The following ABLIM1 variants were observed in gnomAD, a reference collection of about 807,000 sequenced individuals.
ABLIM1 encodes actin-binding LIM protein 1.
In ABLIM1, 40 loss-of-function variants were observed where a neutral mutation model predicts 107.0. The ratio of observed to expected loss-of-function variants is 0.37; its 90% CI spans 0.29 to 0.49. The LOEUF (loss-of-function observed/expected upper bound fraction) is 0.49. ABLIM1 is among the 20% of genes least tolerant of loss of function. The pLI is 0.97. For missense variants in ABLIM1, 857 were observed against 1,008.5 expected, an observed-to-expected ratio of 0.85 and a Z score of 2.04; for synonymous variants, 357 against 357.3, an observed-to-expected ratio of 1.00 and a Z score of 0.01.
chr10:114,632,338 T>C, intron 1 of ABLIM1: 1 of 985,366 alleles, frequency 1.0e-6, no homozygotes, highest in South Asian at 4.7e-5. Flanking sequence ...TGATAAATGA[T>C]TGCCAGGAAG....
intron 2 of ABLIM1, among the ~76,000 whole-genome samples, chr10:114,578,406 G>GT (rs1364900891): frequency 7.4e-6 from 1 of 135,870 alleles, no homozygotes; most frequent in Non-Finnish European, 1.5e-5. Flanking sequence ...AACATTTTCT[G>GT]TTGTTTTTTT....
chr10:114,506,690 G>T (rs1297258918), intron 6 of ABLIM1, among the ~76,000 whole-genome samples: 4 of 152,074 alleles, frequency 2.6e-5, no homozygotes, highest in Non-Finnish European at 4.4e-5. Flanking sequence ...TTTAAATAGG[G>T]TTATTTATTT....
chr10:114,773,221 T>C, the ABLIM1 span, among the ~76,000 whole-genome samples: 1 of 152,088 alleles, frequency 6.6e-6, no homozygotes, highest in Non-Finnish European at 1.5e-5. Flanking sequence ...ATACAATATA[T>C]ACCAGGTTGG....
chr10:114,526,938 T>C (rs2064871579), intron 6 of ABLIM1: 2 of 985,372 alleles, frequency 2.0e-6, no homozygotes, highest in African/African-American at 3.5e-5. Context: ...CTTTACTTAC[T>C]AGTTCAACAC....
chr10:114,551,751 GCTT>G (rs2068086614), intron 4 of ABLIM1, among the ~76,000 whole-genome samples: 1 of 152,194 alleles, frequency 6.6e-6, no homozygotes, highest in African/African-American at 2.4e-5. Context: ...TGCACTGAGG[GCTT>G]TCTAGAATCA....
At chr10:114,694,138 T>C (rs2081147085) in intron 1 of ABLIM1, among the ~76,000 whole-genome samples, 1 of 152,224 alleles carries the variant, frequency 6.6e-6, no homozygotes, top group African/African-American at 2.4e-5. Flanking sequence ...TATACTCAAA[T>C]TGTGAAAGAA....
intron 1 of ABLIM1, among the ~76,000 whole-genome samples, chr10:114,608,209 C>T (rs1008189835): frequency 3.9e-5 from 6 of 152,172 alleles, no homozygotes; most frequent in Admixed American, 1.3e-4. Context: ...ACTAAAAATA[C>T]AAAAATTAGC....
chr10:114,571,516 C>G (rs754978817), intron 3 of ABLIM1, 110 bp from the exon 4 acceptor site: 31 of 1,042,690 alleles, frequency 3.0e-5, no homozygotes, highest in Non-Finnish European at 4.0e-5. Flanking sequence ...GGAGAAGCAG[C>G]AGCCAACATG....
chr10:114,570,347 T>A (rs907601279), intron 4 of ABLIM1, among the ~76,000 whole-genome samples: 5 of 152,198 alleles, frequency 3.3e-5, no homozygotes, highest in African/African-American at 1.2e-4. Flanking sequence ...AGGTTCTCTA[T>A]GGATTCTGAC....
At chr10:114,617,242 C>T in intron 1 of ABLIM1, among the ~76,000 whole-genome samples, 1 of 147,674 alleles carries the variant, frequency 6.8e-6, no homozygotes, top group African/African-American at 2.5e-5. Flanking sequence ...AAATTTAATT[C>T]TTCTCACTAC....
intron 1 of ABLIM1, among the ~76,000 whole-genome samples, chr10:114,603,830 G>T (rs2076216074): frequency 6.6e-6 from 1 of 151,696 alleles, no homozygotes; most frequent in South Asian, 2.1e-4. Context: ...GCACGTGCCT[G>T]TAATCCCAGC....
At chr10:114,442,676 C>T (rs889382071) in intron 17 of ABLIM1, among the ~76,000 whole-genome samples, 5 of 151,978 alleles carry the variant, frequency 3.3e-5, no homozygotes, top group African/African-American at 7.3e-5. Flanking sequence ...TAGTTATTGG[C>T]GTATCACGCT....
intron 1 of ABLIM1, among the ~76,000 whole-genome samples, chr10:114,761,497 G>A (rs751042733): frequency 5.9e-5 from 9 of 152,030 alleles, no homozygotes; most frequent in East Asian, 1.9e-4. Context: ...CTTGTCATGC[G>A]CAACCATCTC....
At chr10:114,765,370 AAAT>A (rs1369617393) in intron 1 of ABLIM1, among the ~76,000 whole-genome samples, 2 of 129,500 alleles carry the variant, frequency 1.5e-5, no homozygotes, top group Non-Finnish European at 3.7e-5. Flanking sequence ...TAAAAAAAAA[AAAT>A]ATTCTATTAT....
Position 114,619,607 on chromosome 10 carries a change from T to C in ABLIM1, c.245-17646A>G, listed in dbSNP as rs1250351705. Among the ~76,000 whole-genome samples, 1 of 152,182 alleles carries C rather than the reference T, an allele frequency of 6.6e-6. No individual in the cohort carries two copies. Among genetic ancestry groups the C allele is most frequent in the African/African-American group, 2.4e-5 (1 of 41,430 alleles). ...AGCTGGTCACTGAGGGATGGGACGA[T>C]GCATGGCAGATAGTCCTGGTCCTGA... On this transcript the variant is annotated intron_variant, in intron 1 of 22. Transcript: ENST00000533213. This position sits in a 1 kb window ranked among gnomAD's most constrained non-coding sequence, Gnocchi z 4.1.
intron 2 of ABLIM1, among the ~76,000 whole-genome samples, chr10:114,597,397 C>T (rs140519847): frequency 6.6e-6 from 1 of 151,936 alleles, no homozygotes; most frequent in East Asian, 1.9e-4. Context: ...GAAAAATGGC[C>T]CTGGCTTGTA....
intron 1 of ABLIM1, among the ~76,000 whole-genome samples, chr10:114,648,574 G>C (rs1180211339): frequency 6.6e-6 from 1 of 152,146 alleles, no homozygotes; most frequent in East Asian, 1.9e-4. Context: ...TTTCTTTCTG[G>C]GCTGATAAAA....
intron 6 of ABLIM1, among the ~76,000 whole-genome samples, chr10:114,532,999 C>T (rs551426282): frequency 2.0e-5 from 3 of 152,118 alleles, no homozygotes; most frequent in African/African-American, 7.2e-5. Flanking sequence ...TTCTGTTTCC[C>T]TCATGATTAA....
Position 114,601,807 on chromosome 10 carries a change from C to T in ABLIM1, c.379+20G>A, listed in dbSNP as rs76598206. 3.0e-4 allele frequency: 479 copies of T among 1,614,126 alleles called. No homozygotes were observed. The African/African-American group carries it at 4.3e-3, about 15-fold the overall frequency. On this transcript the variant is annotated intron_variant, in intron 2 of 22. Transcript: ENST00000533213. ...CCGACCATGGCATGCCACTGAGCCA[C>T]GAAGCTGGAGGCACCATACCTTTGC...
Sources: gnomAD v4.1 joint callset for allele counts (sites outside exome capture counted in the v4.1 genomes callset) on GRCh38, gnomAD v4.1.1 for gene constraint, Gnocchi (gnomAD v3.1) non-coding constraint, MANE v1.5 for transcripts, NCBI Gene and HGNC (gene_info 2026-07-23, HGNC 2026-07-21) for gene names.